ARHGEF28: variants seen among roughly 807,000 people sequenced by gnomAD.
ARHGEF28 encodes the protein 190 kDa guanine nucleotide exchange factor.
In ARHGEF28, 152 loss-of-function variants were observed where a neutral mutation model predicts 206.6. The ratio of observed to expected loss-of-function variants is 0.74; its 90% CI spans 0.64 to 0.84. ARHGEF28 has a LOEUF of 0.84. ARHGEF28 is among the 40% of genes least tolerant of loss of function. The pLI, the probability that ARHGEF28 is intolerant of heterozygous loss-of-function variation, is 0.00. For synonymous variants in ARHGEF28, 763 were observed against 776.4 expected, an observed-to-expected ratio of 0.98 and a Z score of 0.29; for missense variants, 2,028 against 2,073.2, an observed-to-expected ratio of 0.98 and a Z score of 0.42.
At chr5:73,754,424 G>A (rs1047498472) in intron 4 of ARHGEF28, among the ~76,000 whole-genome samples, 1 of 152,084 alleles carries the variant, frequency 6.6e-6, no homozygotes, top group East Asian at 1.9e-4. Flanking sequence ...CTCCTGTGTG[G>A]TGGCTAATTG....
intron 35 of ARHGEF28, among the ~76,000 whole-genome samples, chr5:73,922,239 T>G (rs925976976): frequency 6.6e-6 from 1 of 152,226 alleles, no homozygotes; most frequent in Non-Finnish European, 1.5e-5. Context: ...GAATTCTTGA[T>G]TCTGAATTAC....
rs375072412 is a variant in ARHGEF28 at position 73,798,330 on chromosome 5, A to ATT, written c.1024+2947_1024+2948dup. Among the ~76,000 whole-genome samples, 386 of 150,976 alleles carry ATT rather than the reference A, an allele frequency of 2.6e-3. 1 individual carries two copies. Among genetic ancestry groups the ATT allele is most frequent in the African/African-American group, 8.6e-3 (356 of 41,202 alleles). ...ATAGTAGGTCTTATTCATTCTTTCCATTTTTTTTTGTACCCATCCTTTGTA... is the reference window on the plus strand; with the variant it reads ...ATAGTAGGTCTTATTCATTCTTTCCATTTTTTTTTTTGTACCCATCCTTTGTA... On this transcript the variant is annotated intron_variant, in intron 9 of 35. Coordinates refer to ENST00000513042, the MANE Select transcript of ARHGEF28 (RefSeq NM_001177693.2).
chr5:73,926,915 A>G (rs930696164), intron 35 of ARHGEF28, among the ~76,000 whole-genome samples: 1 of 152,206 alleles, frequency 6.6e-6, no homozygotes, highest in Admixed American at 6.5e-5. Context: ...GCTGGCCACT[A>G]AGTAGCTGAT....
chr5:73,855,747 GT>G (rs939924691), intron 14 of ARHGEF28, among the ~76,000 whole-genome samples: 3 of 151,354 alleles, frequency 2.0e-5, no homozygotes, highest in African/African-American at 7.3e-5. Flanking sequence ...AAAAAAAAAA[GT>G]TAAAGTGTCG....
At chr5:73,680,563 G>A (rs1398102035) in intron 1 of ARHGEF28, among the ~76,000 whole-genome samples, 1 of 150,410 alleles carries the variant, frequency 6.6e-6, no homozygotes, top group Non-Finnish European at 1.5e-5. Flanking sequence ...TGGGTACAGT[G>A]TACACTGCTC....
intron 2 of ARHGEF28, among the ~76,000 whole-genome samples, chr5:73,747,008 A>C (rs1488281591): frequency 6.6e-6 from 1 of 152,154 alleles, no homozygotes; most frequent in African/African-American, 2.4e-5. Context: ...GAATACACTA[A>C]ACTTGTTGAT....
At chr5:73,767,552 G>T (rs573887378) in intron 4 of ARHGEF28, among the ~76,000 whole-genome samples, 1 of 152,116 alleles carries the variant, frequency 6.6e-6, no homozygotes, top group African/African-American at 2.4e-5. Context: ...CTAGAGATTC[G>T]TGGAATTTTG....
At chr5:73,831,779 C>T (rs779318164) in intron 9 of ARHGEF28, among the ~76,000 whole-genome samples, 9 of 152,260 alleles carry the variant, frequency 5.9e-5, no homozygotes, top group Non-Finnish European at 8.8e-5. Flanking sequence ...GCAACGTCCA[C>T]CTCCCAGGTT....
At chr5:73,900,502 A>T (rs1299506863) in intron 30 of ARHGEF28, 1 of 152,230 alleles carries the variant, frequency 6.6e-6, no homozygotes, top group African/African-American at 2.4e-5. Context: ...ATATTTCGGG[A>T]CTAGTTTCTA....
chr5:73,684,953 T>C, intron 2 of ARHGEF28, 69 bp downstream of exon 2: 4 of 1,510,588 alleles, frequency 2.6e-6, no homozygotes, highest in Non-Finnish European at 3.6e-6. Context: ...GTGACTGAAG[T>C]GGGGAGAAAT....
Position 73,809,810 on chromosome 5 carries a change from C to A in ARHGEF28, c.1024+14419C>A, listed in dbSNP as rs548507276. 5.3e-5 allele frequency among the ~76,000 whole-genome samples: 8 copies of A among 152,136 alleles called. No individual in the cohort carries two copies. The East Asian group carries it at 1.4e-3, about 26-fold the overall frequency. Reference sequence around the variant, plus strand: ...TGTAATTAAAGGAGGCACATTCAGGCGAATGTATCTTCCATGAAAGCATTC... The same window carrying A: ...TGTAATTAAAGGAGGCACATTCAGGAGAATGTATCTTCCATGAAAGCATTC... On this transcript the variant is annotated intron_variant, in intron 9 of 35. Transcript: ENST00000513042.
At chr5:73,809,910 G>C (rs1206882183) in intron 9 of ARHGEF28, among the ~76,000 whole-genome samples, 1 of 152,136 alleles carries the variant, frequency 6.6e-6, no homozygotes, top group African/African-American at 2.4e-5. Flanking sequence ...GAATTCTGCT[G>C]TCTGCAATTA....
At chr5:73,713,255 T>G (rs944823696) in intron 2 of ARHGEF28, among the ~76,000 whole-genome samples, 6 of 152,244 alleles carry the variant, frequency 3.9e-5, no homozygotes, top group Admixed American at 3.3e-4. Flanking sequence ...TATCCTCAAA[T>G]GCATGCAACC....
At chr5:73,824,403 G>A (rs953333322) in intron 9 of ARHGEF28, among the ~76,000 whole-genome samples, 2 of 151,708 alleles carry the variant, frequency 1.3e-5, no homozygotes, top group African/African-American at 4.8e-5. Context: ...GCTCAGAGAA[G>A]AAGGAAAGCC....
chr5:73,803,209 A>T (rs958679331), intron 9 of ARHGEF28: 6 of 155,754 alleles, frequency 3.9e-5, no homozygotes, highest in Non-Finnish European at 8.8e-5. Context: ...GACAGTTATG[A>T]AATGTATACT....
chr5:73,726,833 G>A (rs928145740), intron 2 of ARHGEF28, among the ~76,000 whole-genome samples: 5 of 152,116 alleles, frequency 3.3e-5, no homozygotes, highest in Admixed American at 6.5e-5. Flanking sequence ...TTTCCCTTCA[G>A]TGTTGAGTGG....
intron 9 of ARHGEF28, among the ~76,000 whole-genome samples, chr5:73,806,964 A>T (rs1156734484): frequency 6.7e-6 from 1 of 148,742 alleles, no homozygotes; most frequent in Non-Finnish European, 1.5e-5. Context: ...TTAAATCTAT[A>T]TAAAATATAG....
chr5:73,684,686 A>C, intron 1 of ARHGEF28, 155 bp from the exon 2 acceptor site: 1 of 490,176 alleles, frequency 2.0e-6, no homozygotes, highest in Non-Finnish European at 3.6e-6. Context: ...TTTAGATAGC[A>C]TCTTAGTCCT....
rs1258350405 is a variant in ARHGEF28 at position 73,909,849 on chromosome 5, C to T, written c.4599C>T (p.His1533=). ...AQQSLLGHWK[H]GRQRSLPAVL... ...AGAGCCTGCTGGGCCACTGGAAGCA[C>T]GGCCGGCAGAGGAGCCTGCCCGCGG... is the stretch of plus-strand genomic sequence containing the variant. Residue 1533 remains histidine, a synonymous_variant, in exon 34 of 36, where the codon CAC becomes CAT. Transcript: ENST00000513042. 4.5e-6 allele frequency: 7 copies of T among 1,540,302 alleles called. No individual in the cohort carries two copies. The highest frequency in any genetic ancestry group is 2.5e-5 in the South Asian group (2 of 80,516).
Sources: allele counts gnomAD v4.1 joint callset (sites outside exome capture counted in the v4.1 genomes callset), GRCh38; gene constraint gnomAD v4.1.1; transcripts MANE v1.5; gene names NCBI Gene and HGNC (gene_info 2026-07-23, HGNC 2026-07-21).